The following ERCC3 variants were observed in gnomAD, a reference collection of about 807,000 sequenced individuals.
ERCC3 encodes the protein general transcription and DNA repair factor IIH helicase/translocase subunit XPB.
Under a neutral mutation model 94.2 loss-of-function variants are expected in ERCC3, and 66 were observed. The observed-to-expected ratio is 0.70, with a 90% CI of 0.57 to 0.86. The LOEUF is 0.86. Ranked by LOEUF, ERCC3 falls within the 40% of genes least tolerant of loss-of-function variation. The pLI is 0.00. For synonymous variants in ERCC3, 349 were observed against 369.1 expected, an observed-to-expected ratio of 0.95 and a Z score of 0.63; for missense variants, 829 against 987.1, an observed-to-expected ratio of 0.84 and a Z score of 2.15.
chr2:127,259,057 G>A lies in ERCC3; in HGVS notation c.2217+239C>T, dbSNP rs541468203. Among the ~76,000 whole-genome samples the A allele has an allele frequency of 7.2e-5, 11 of 152,164 alleles. No homozygotes were observed. Among genetic ancestry groups the A allele is most frequent in the Non-Finnish European group, 1.3e-4 (9 of 68,036 alleles). ...CAACATCAAGATTTAACAAATACTC[G>A]TGTGAGCAAAGCAGGAGACCAGTCA... is the stretch of plus-strand genomic sequence containing the variant. On this transcript the variant is annotated intron_variant, in intron 14 of 14. Coordinates refer to ENST00000285398, the MANE Select transcript of ERCC3 (RefSeq NM_000122.2). The surrounding 1 kb of genome is among the most constrained non-coding windows in gnomAD (Gnocchi z 4.9).
chr2:127,293,780 T>C (rs1236294009), intron 1 of ERCC3, 62 bp from the exon 2 acceptor site: 5 of 1,602,722 alleles, frequency 3.1e-6, no homozygotes, highest in Middle Eastern at 1.7e-4. Flanking sequence ...TCCGCACCGC[T>C]TGGCAGCATT....
intron 8 of ERCC3, among the ~76,000 whole-genome samples, chr2:127,283,842 T>C (rs946880963): frequency 1.3e-5 from 2 of 152,244 alleles, no homozygotes; most frequent in African/African-American, 4.8e-5. Flanking sequence ...AAGTGCTTTT[T>C]TGACATATGT....
At chr2:127,272,552 C>T (rs890678804) in intron 11 of ERCC3, among the ~76,000 whole-genome samples, 8 of 152,188 alleles carry the variant, frequency 5.3e-5, no homozygotes, top group Non-Finnish European at 1.0e-4. Flanking sequence ...TAAATGCCTA[C>T]TTTTGCCAGA....
rs141582723 is a variant in ERCC3 at position 127,289,944 on chromosome 2, G to A, written c.522-120C>T. On this transcript the variant is annotated intron_variant, in intron 4 of 14. Coordinates refer to ENST00000285398, the MANE Select transcript of ERCC3 (RefSeq NM_000122.2). ...CTCATGACTCTCCCCACAACCCTTC[G>A]CCAAATCTGTACCATGAGCTGCCGG... 53 of 1,202,218 alleles carry A rather than the reference G, an allele frequency of 4.4e-5. No individual in the cohort carries two copies. The highest frequency in any genetic ancestry group is 3.1e-4 in the African/African-American group (21 of 67,152). 74.5% of individuals were successfully genotyped at this position (1,202,218 alleles called of 1,614,324 possible).
intron 12 of ERCC3, among the ~76,000 whole-genome samples, chr2:127,263,346 T>C (rs917132004): frequency 6.6e-6 from 1 of 152,220 alleles, no homozygotes; most frequent in Non-Finnish European, 1.5e-5. Context: ...AGGAGTGTTC[T>C]GTAGTTATTC....
At chr2:127,286,102 C>T (rs1685056022) in intron 8 of ERCC3, among the ~76,000 whole-genome samples, 1 of 152,144 alleles carries the variant, frequency 6.6e-6, no homozygotes, top group Admixed American at 6.5e-5. Context: ...AAGGGCTTTT[C>T]AGTGCTCCTA....
intron 8 of ERCC3, among the ~76,000 whole-genome samples, chr2:127,286,190 T>C (rs1168432855): frequency 1.3e-5 from 2 of 152,164 alleles, no homozygotes; most frequent in African/African-American, 4.8e-5. Context: ...AAATATCATT[T>C]TCTAAATCAC....
intron 4 of ERCC3, 148 bp from the exon 5 acceptor site, chr2:127,289,972 A>G (rs1685211546): frequency 1.0e-6 from 1 of 963,422 alleles, no homozygotes; most frequent in African/African-American, 1.6e-5. Context: ...GCTGCCGGCC[A>G]TGATTTAACA....
chr2:127,293,658 G>A lies in ERCC3; in HGVS notation c.89C>T (p.Pro30Leu), dbSNP rs1371919188. 1.2e-6 allele frequency: 2 copies of A among 1,614,074 alleles called. No individual in the cohort carries two copies. The highest frequency in any genetic ancestry group is 1.7e-5 in the Admixed American group (1 of 60,026). Residue 30 changes from proline (P) to leucine (L), a missense_variant, in exon 2 of 15, where the codon CCG (proline) becomes CTG (leucine). Coordinates refer to ENST00000285398, the MANE Select transcript of ERCC3 (RefSeq NM_000122.2). ...EDEEDDEEDA[P>L]GNDPQEAVPS... ...AACCGCTTCCTGAGGGTCGTTCCCC[G>A]GGGCGTCCTCTTCATCATCCTCTTC...
chr2:127,273,925 G>C (rs1000972173), intron 10 of ERCC3, among the ~76,000 whole-genome samples: 2 of 151,250 alleles, frequency 1.3e-5, no homozygotes, highest in Admixed American at 6.6e-5. Flanking sequence ...TAACAACAGT[G>C]ATGATGATGA....
At position 127,259,397 on chromosome 2, in the gene ERCC3, T is replaced by C. The variant is rs760066564; in HGVS notation, c.2116A>G (p.Lys706Glu). Residue 706 changes from lysine (K) to glutamate (E), a missense_variant, in exon 14 of 15, where the codon AAA becomes GAA. Lys to Glu is a moderately conservative substitution (Grantham distance 56, BLOSUM62 1). Coordinates refer to ENST00000285398, the MANE Select transcript of ERCC3 (RefSeq NM_000122.2). The surrounding 1 kb of genome is among the most constrained non-coding windows in gnomAD (Gnocchi z 4.9). ...MEEEDLAFST[K>E]EEQQQLLQKV... ...TGTAAGAGCTGCTGTTGCTCTTCTTTTGTCGAAAACGCCAAGTCTTCCTCC... is the reference window on the plus strand; with the variant it reads ...TGTAAGAGCTGCTGTTGCTCTTCTTCTGTCGAAAACGCCAAGTCTTCCTCC... The C allele has an allele frequency of 6.2e-7, 1 of 1,614,200 alleles. No individual in the cohort carries two copies. The highest frequency in any genetic ancestry group is 1.1e-5 in the South Asian group (1 of 91,086).
chr2:127,285,991 A>G (rs1322266101), intron 8 of ERCC3, among the ~76,000 whole-genome samples: 2 of 151,938 alleles, frequency 1.3e-5, no homozygotes, highest in African/African-American at 2.4e-5. Context: ...TTAAAAAAAA[A>G]AGGTTTGCCC....
Position 127,288,805 on chromosome 2 carries a change from T to C in ERCC3, c.882A>G (p.Glu294=), listed in dbSNP as rs1486201257. ...CIHLEYPLLA[E]YDFRNDSVNP... is the part of the protein sequence containing the mutation. ...TGACAGAATCATTCCGGAAGTCATA[T>C]TCTGCCAACAGAGGGTACTCCAGGT... The change falls in exon 7 of 15, where the codon GAA becomes GAG. Residue 294 remains glutamate, a synonymous_variant. Transcript: ENST00000285398. 6.2e-7 allele frequency: 1 copy of C among 1,614,170 alleles called. No individual in the cohort carries two copies. Among genetic ancestry groups the C allele is most frequent in the Non-Finnish European group, 8.5e-7 (1 of 1,180,006 alleles).
Position 127,292,677 on chromosome 2 carries a change from T to C in ERCC3, c.404A>G (p.Asp135Gly). ...GAGCTTCCTGAGGTACTCGGTGATG[T>C]CACTGGTTTGCAGCCCAACGCTGAC... ...AAVSVGLQTS[D>G]ITEYLRKLSK... The change falls in exon 3 of 15, where the codon GAC (aspartate) becomes GGC (glycine). Residue 135 changes from aspartate to glycine, a missense_variant. Physicochemically the swap from Asp to Gly is moderately conservative, Grantham distance 94 (BLOSUM62 -1). Transcript: ENST00000285398. The C allele has an allele frequency of 6.2e-7, 1 of 1,614,200 alleles. No homozygotes were observed. Among genetic ancestry groups the C allele is most frequent in the Middle Eastern group, 1.6e-4 (1 of 6,062 alleles).
rs1345778181 is a variant in ERCC3, at chr2:127,294,100, GAGA to G, written c.-22_-20del. 7.5e-6 allele frequency: 12 copies of G among 1,606,498 alleles called. No homozygotes were observed. Among genetic ancestry groups the G allele is most frequent in the South Asian group, 4.4e-5 (4 of 90,954 alleles). ...TGCCCATGGCAGCTACAGCAGCAGA[GAGA>G]AGATGACCCCGCTCCCACAGGCCCG... On this transcript the variant is annotated 5_prime_UTR_variant, in exon 1 of 15. Coordinates refer to ENST00000285398, the MANE Select transcript of ERCC3 (RefSeq NM_000122.2).
rs4150488 is a variant in ERCC3 at position 127,272,598 on chromosome 2, G to A, written c.1827+267C>T. 8.8e-3 allele frequency among the ~76,000 whole-genome samples: 1,333 copies of A among 152,180 alleles called. 15 individuals are homozygous for A. Among genetic ancestry groups the A allele is most frequent in the Non-Finnish European group, 0.012 (822 of 67,996 alleles). On this transcript the variant is annotated intron_variant, in intron 11 of 14. Coordinates refer to ENST00000285398, the MANE Select transcript of ERCC3 (RefSeq NM_000122.2). Reference sequence around the variant, plus strand: ...AACTTTTTTTCCTTTTATAAATAAGGAAATACAACTTAAAACTTCTACATC... The same window carrying A: ...AACTTTTTTTCCTTTTATAAATAAGAAAATACAACTTAAAACTTCTACATC...
At chr2:127,261,601 A>G (rs1283437230) in intron 12 of ERCC3, 1 of 478,022 alleles carries the variant, frequency 2.1e-6, no homozygotes, top group African/African-American at 2.0e-5. Context: ...ATTTGTATCT[A>G]GGTTATACAA....
chr2:127,289,921 C>T, intron 4 of ERCC3, 97 bp from the exon 5 acceptor site: 1 of 1,386,112 alleles, frequency 7.2e-7, no homozygotes, highest in Non-Finnish European at 1.0e-6. Context: ...ATACAAGCCT[C>T]ATGACTCTCC....
Position 127,257,365 on chromosome 2 carries a change from C to T in ERCC3, c.*231G>A. ...CTTAAATATTAACATTTTTTATATA[C>T]AGAAATGACCCCACTCCCCAAAAAG... On this transcript the variant is annotated 3_prime_UTR_variant, in exon 15 of 15. Coordinates refer to ENST00000285398, the MANE Select transcript of ERCC3 (RefSeq NM_000122.2). The surrounding 1 kb of genome is among the most constrained non-coding windows in gnomAD (Gnocchi z 5.4). 3 of 583,754 alleles carry T rather than the reference C, an allele frequency of 5.1e-6. No homozygotes were observed. Among genetic ancestry groups the T allele is most frequent in the Middle Eastern group, 4.9e-4 (1 of 2,046 alleles). The allele number at this position is 583,754 out of a possible 1,614,324, so 36.2% of individuals were successfully genotyped here. A position where few individuals can be genotyped will look rare whatever the true frequency, so the allele number is the denominator to read the frequency against.
Sources: allele counts gnomAD v4.1 joint callset (sites outside exome capture counted in the v4.1 genomes callset), GRCh38; gene constraint gnomAD v4.1.1; non-coding constraint Gnocchi (gnomAD v3.1); transcripts MANE v1.5; gene names NCBI Gene and HGNC (gene_info 2026-07-23, HGNC 2026-07-21).